The following UTS2B variants were observed in gnomAD, a reference collection of about 807,000 sequenced individuals.
UTS2B encodes the protein urotensin 2B.
UTS2B carries 21 observed loss-of-function variants against 19.2 expected under a neutral mutation model. That is an observed-to-expected ratio of 1.09 (90% CI 0.78 to 1.58). The LOEUF is 1.58. Among genes scored for constraint, UTS2B ranks in the 40% most tolerant of loss-of-function variants. The pLI, the probability that UTS2B is intolerant of heterozygous loss-of-function variation, is 0.00. For missense variants in UTS2B, 138 were observed against 130.3 expected, an observed-to-expected ratio of 1.06 and a Z score of -0.29; for synonymous variants, 57 against 50.2, an observed-to-expected ratio of 1.14 and a Z score of -0.58.
chr3:191,312,387 T>A lies in UTS2B; in HGVS notation c.-182+3649A>T, dbSNP rs1717327539. On this transcript the variant is annotated intron_variant, in intron 3 of 8. Transcript: ENST00000340524. ...TTGAGTGAGGTTATTACATGGTCTT[T>A]ATGTTGGGCTGTTTTCTTCTGGCAA... 2.6e-5 allele frequency among the ~76,000 whole-genome samples: 4 copies of A among 152,296 alleles called. No individual in the cohort carries two copies. In the South Asian group the frequency reaches 8.3e-4, roughly 32 times the overall value.
At chr3:191,290,304 T>G (rs929303694) in intron 4 of UTS2B, among the ~76,000 whole-genome samples, 1 of 152,236 alleles carries the variant, frequency 6.6e-6, no homozygotes, top group African/African-American at 2.4e-5. Flanking sequence ...TTAGAATATT[T>G]GTTTGAGGAG....
chr3:191,325,314 T>C (rs1717717467), intron 2 of UTS2B, among the ~76,000 whole-genome samples: 1 of 148,296 alleles, frequency 6.7e-6, no homozygotes, highest in Admixed American at 6.7e-5. Context: ...GAAAGACATA[T>C]GTTCTAAAAA....
At chr3:191,325,618 C>T (rs754104144) in intron 2 of UTS2B, among the ~76,000 whole-genome samples, 1 of 152,170 alleles carries the variant, frequency 6.6e-6, no homozygotes, top group East Asian at 1.9e-4. Flanking sequence ...AAAAATGCTT[C>T]AAGGCCTGGA....
At chr3:191,271,763 T>C (rs1375362502) in intron 8 of UTS2B, among the ~76,000 whole-genome samples, 3 of 152,226 alleles carry the variant, frequency 2.0e-5, no homozygotes. Context: ...TTTATAATGC[T>C]GATAACTGCC....
chr3:191,344,439 A>T, the UTS2B span, among the ~76,000 whole-genome samples: 1 of 152,210 alleles, frequency 6.6e-6, no homozygotes, highest in African/African-American at 2.4e-5. Flanking sequence ...AATTTATATT[A>T]TATGTAACAG....
chr3:191,329,572 CT>C, intron 1 of UTS2B: 1 of 1,262,306 alleles, frequency 7.9e-7, no homozygotes, highest in Non-Finnish European at 1.1e-6. Context: ...GCCGGCCGGA[CT>C]TTGCGCCGCG....
rs537724493 is a variant in UTS2B, at chr3:191,290,478, A to G, written c.-124-8165T>C. ...ACAACTATAATTTTTCATCTTTTACAGTAAAAGAAGACAGTTTTGGAACCA... is the reference window on the plus strand; with the variant it reads ...ACAACTATAATTTTTCATCTTTTACGGTAAAAGAAGACAGTTTTGGAACCA... On this transcript the variant is annotated intron_variant, in intron 4 of 8. Coordinates refer to ENST00000340524, the MANE Select transcript of UTS2B (RefSeq NM_198152.5). 2.6e-5 allele frequency among the ~76,000 whole-genome samples: 4 copies of G among 152,302 alleles called. No individual in the cohort carries two copies. The South Asian group carries it at 8.3e-4, about 32-fold the overall frequency.
chr3:191,318,828 G>GT (rs1192144450), intron 2 of UTS2B, among the ~76,000 whole-genome samples: 1 of 151,746 alleles, frequency 6.6e-6, no homozygotes, highest in African/African-American at 2.4e-5. Flanking sequence ...TTTTGTTTTT[G>GT]TTTTTTGTAA....
chr3:191,290,216 C>T (rs2108583581), intron 4 of UTS2B, among the ~76,000 whole-genome samples: 2 of 152,274 alleles, frequency 1.3e-5, no homozygotes, highest in South Asian at 4.1e-4. Flanking sequence ...ATACTAAATT[C>T]TTGTCATGAG....
intron 2 of UTS2B, among the ~76,000 whole-genome samples, chr3:191,326,361 T>A (rs1717746333): frequency 6.6e-6 from 1 of 152,176 alleles, no homozygotes; most frequent in Non-Finnish European, 1.5e-5. Context: ...AACTGGGGGA[T>A]GCTTTTGTGG....
At chr3:191,282,383 T>C (rs1414335535) in intron 4 of UTS2B, 70 bp from the exon 5 acceptor site, 11 of 510,440 alleles carry the variant, frequency 2.2e-5, no homozygotes, top group Non-Finnish European at 3.9e-5. Context: ...GTTAACATGA[T>C]TCACTACTTG....
At chr3:191,288,926 A>AGAC (rs61564785) in intron 4 of UTS2B, among the ~76,000 whole-genome samples, 4 of 152,134 alleles carry the variant, frequency 2.6e-5, no homozygotes, top group East Asian at 1.9e-4. Context: ...AAGCAAAAAC[A>AGAC]AACGAGATTA....
chr3:191,319,899 T>TA (rs397877470), intron 2 of UTS2B, among the ~76,000 whole-genome samples: 95 of 150,494 alleles, frequency 6.3e-4, no homozygotes, highest in South Asian at 2.5e-3. Flanking sequence ...TTTTTTTTTT[T>TA]AAAAACCTTA....
intron 4 of UTS2B, among the ~76,000 whole-genome samples, chr3:191,298,985 T>C (rs1594950): frequency 0.66 from 99,977 of 151,978 alleles, 32,872 homozygotes; most frequent in African/African-American, 0.68. Context: ...AAATTGATAG[T>C]GATGATTTAG....
At chr3:191,289,269 C>G (rs1445103326) in intron 4 of UTS2B, among the ~76,000 whole-genome samples, 1 of 151,844 alleles carries the variant, frequency 6.6e-6, no homozygotes, top group East Asian at 1.9e-4. Flanking sequence ...ATTAGCCAGG[C>G]ATGGTGGCAG....
chr3:191,269,505 T>C (rs984153129), intron 8 of UTS2B, among the ~76,000 whole-genome samples: 1 of 151,872 alleles, frequency 6.6e-6, no homozygotes, highest in African/African-American at 2.4e-5. Flanking sequence ...TTTCAGGTTT[T>C]TTTTTTTTTT....
At chr3:191,339,595 C>T in the UTS2B span, among the ~76,000 whole-genome samples, 3 of 152,146 alleles carry the variant, frequency 2.0e-5, no homozygotes, top group African/African-American at 4.8e-5. Flanking sequence ...GCATTTAGAA[C>T]GCGTTGCAGA....
upstream of UTS2B, among the ~76,000 whole-genome samples, chr3:191,334,498 T>C (rs181807875): frequency 6.0e-3 from 906 of 152,262 alleles, 10 homozygotes; most frequent in African/African-American, 0.02. Flanking sequence ...ACCACTGTTC[T>C]AGGCCAACTT....
rs182001630 is a variant in UTS2B at position 191,329,261 on chromosome 3, G to A, written c.-664-552C>T. 4.7e-3 allele frequency: 866 copies of A among 182,350 alleles called. 3 individuals are homozygous for A. The highest frequency in any genetic ancestry group is 8.8e-3 in the Middle Eastern group (4 of 456). 11.3% of individuals were successfully genotyped at this position (182,350 alleles called of 1,614,324 possible). On this transcript the variant is annotated intron_variant, in intron 1 of 8. Coordinates refer to ENST00000340524, the MANE Select transcript of UTS2B (RefSeq NM_198152.5). ...CTGAGCACAAAGGAGACAACAGCGA[G>A]GCGGCAGCGGGCGCTGATCTTCGCT... is the stretch of plus-strand genomic sequence containing the variant.
Sources: gnomAD v4.1 joint callset for allele counts (sites outside exome capture counted in the v4.1 genomes callset) on GRCh38, gnomAD v4.1.1 for gene constraint, MANE v1.5 for transcripts, NCBI Gene and HGNC (gene_info 2026-07-23, HGNC 2026-07-21) for gene names.